The following NTM variants were observed in gnomAD, a reference collection of about 807,000 sequenced individuals.
NTM encodes the protein neurotrimin.
Under a neutral mutation model 42.1 loss-of-function variants are expected in NTM, and 13 were observed. The observed-to-expected ratio is 0.31, with a 90% CI of 0.20 to 0.49. The LOEUF (loss-of-function observed/expected upper bound fraction) is 0.49, where lower values mean the gene tolerates loss of function less well. Among genes scored for constraint, NTM ranks in the 20% least tolerant of loss-of-function variants. The pLI is 0.99. For missense variants in NTM, 373 were observed against 452.8 expected, an observed-to-expected ratio of 0.82 and a Z score of 1.60; for synonymous variants, 187 against 179.2, an observed-to-expected ratio of 1.04 and a Z score of -0.35.
intron 1 of NTM, among the ~76,000 whole-genome samples, chr11:131,882,504 A>G (rs895714324): frequency 1.3e-5 from 2 of 152,252 alleles, no homozygotes; most frequent in East Asian, 1.9e-4. Context: ...ATTTAATCCA[A>G]TATCTGGATG....
chr11:131,859,057 G>A (rs2046368394), intron 1 of NTM, among the ~76,000 whole-genome samples: 1 of 152,118 alleles, frequency 6.6e-6, no homozygotes, highest in Admixed American at 6.6e-5. Context: ...ATTCCTCAAA[G>A]TCTATTTTCC....
chr11:132,165,636 CAG>C lies in NTM; in HGVS notation c.400+19123_400+19124del, dbSNP rs2075149606. 2.0e-5 allele frequency among the ~76,000 whole-genome samples: 3 copies of C among 152,182 alleles called. No homozygotes were observed. In the South Asian group the frequency reaches 6.2e-4, roughly 32 times the overall value. The stretch of plus-strand genomic sequence containing the variant: ...AATTTTAGGTGAGGAAACTGAGGCT[CAG>C]GGGGGGTTTAGTCTTGCTGAAGATC... On this transcript the variant is annotated intron_variant, in intron 3 of 8. Transcript: ENST00000683400.
intron 1 of NTM, among the ~76,000 whole-genome samples, chr11:131,391,445 A>C (rs1214099947): frequency 1.3e-5 from 2 of 152,118 alleles, no homozygotes; most frequent in Non-Finnish European, 2.9e-5. Context: ...ATCTAAAATG[A>C]ATTTTCTACC....
intron 2 of NTM, among the ~76,000 whole-genome samples, chr11:132,144,766 A>G (rs1254785674): frequency 1.3e-5 from 2 of 152,188 alleles, no homozygotes; most frequent in Admixed American, 6.5e-5. Flanking sequence ...GGATGGTGCC[A>G]GAGAGAGCCC....
chr11:131,549,471 C>T (rs2054364836), intron 1 of NTM, among the ~76,000 whole-genome samples: 1 of 152,064 alleles, frequency 6.6e-6, no homozygotes, highest in Admixed American at 6.5e-5. Flanking sequence ...TTGTCAACTG[C>T]CTACAAGATG....
At chr11:131,598,701 T>TTC (rs1555161367) in intron 1 of NTM, among the ~76,000 whole-genome samples, 2,158 of 60,860 alleles carry the variant, frequency 0.035, 189 homozygotes, top group Middle Eastern at 0.074. Flanking sequence ...CTTTCTTTCT[T>TTC]TCTTTCTTTC....
intron 4 of NTM, among the ~76,000 whole-genome samples, chr11:132,276,962 T>C (rs1322135959): frequency 1.3e-5 from 2 of 152,222 alleles, no homozygotes; most frequent in Non-Finnish European, 1.5e-5. Context: ...CACTATGTTG[T>C]TGCTAGTATA....
At chr11:131,512,370 C>T (rs1369939322) in intron 1 of NTM, among the ~76,000 whole-genome samples, 1 of 152,230 alleles carries the variant, frequency 6.6e-6, no homozygotes, top group East Asian at 1.9e-4. Flanking sequence ...CACGTCTGCT[C>T]CCCTTGCTCT....
chr11:131,525,726 C>G (rs1565600606), intron 1 of NTM, among the ~76,000 whole-genome samples: 1 of 152,158 alleles, frequency 6.6e-6, no homozygotes, highest in Non-Finnish European at 1.5e-5. Context: ...GTTCAGATCC[C>G]AGCTTTGCTG....
At chr11:131,786,715 C>T (rs2089295400) in intron 1 of NTM, among the ~76,000 whole-genome samples, 1 of 152,096 alleles carries the variant, frequency 6.6e-6, no homozygotes, top group South Asian at 2.1e-4. Flanking sequence ...TAAAGTCAAG[C>T]TCCAATTGAT....
intron 1 of NTM, among the ~76,000 whole-genome samples, chr11:131,840,424 C>G (rs143733151): frequency 6.0e-4 from 92 of 152,232 alleles, no homozygotes; most frequent in Non-Finnish European, 1.1e-3. Context: ...CTGTGTCACA[C>G]GCTGCCGATG....
chr11:132,056,989 G>A (rs1248154477), intron 2 of NTM, among the ~76,000 whole-genome samples: 1 of 152,178 alleles, frequency 6.6e-6, no homozygotes, highest in Non-Finnish European at 1.5e-5. Context: ...GTGTTAGTAC[G>A]ATTGTTTGAA....
At chr11:131,713,514 AT>A (rs1254410871) in intron 1 of NTM, among the ~76,000 whole-genome samples, 2 of 152,152 alleles carry the variant, frequency 1.3e-5, no homozygotes, top group African/African-American at 4.8e-5. Flanking sequence ...ATTCTTTTCT[AT>A]TTCTTTGGAG....
intron 7 of NTM, among the ~76,000 whole-genome samples, chr11:132,326,151 A>G (rs2095677240): frequency 6.6e-6 from 1 of 152,168 alleles, no homozygotes; most frequent in African/African-American, 2.4e-5. Flanking sequence ...CATGTACCCT[A>G]AAACTTAAAG....
chr11:131,889,927 T>A (rs894519905), intron 1 of NTM, among the ~76,000 whole-genome samples: 3 of 152,132 alleles, frequency 2.0e-5, no homozygotes, highest in South Asian at 2.1e-4. Context: ...AGAAACTTCC[T>A]ACTTAGGCAT....
chr11:132,079,549 G>A (rs947216710), intron 2 of NTM, among the ~76,000 whole-genome samples: 2 of 152,124 alleles, frequency 1.3e-5, no homozygotes, highest in African/African-American at 2.4e-5. Context: ...CATTTTTATT[G>A]GTAACTTGGA....
intron 1 of NTM, among the ~76,000 whole-genome samples, chr11:131,881,508 ACCCC>A (rs869170505): frequency 3.3e-4 from 38 of 116,286 alleles, no homozygotes; most frequent in African/African-American, 4.7e-4. Flanking sequence ...ACACACACAC[ACCCC>A]CCAAAGCTTT....
chr11:131,389,024 A>AAAAAAAAAAG (rs774146196), intron 1 of NTM, among the ~76,000 whole-genome samples: 4 of 89,902 alleles, frequency 4.4e-5, no homozygotes, highest in East Asian at 2.5e-4. Context: ...AAAAAAAAAA[A>AAAAAAAAAAG]AAAAGAAAAG....
chr11:131,513,145 C>T (rs567393674), intron 1 of NTM, among the ~76,000 whole-genome samples: 13 of 152,236 alleles, frequency 8.5e-5, no homozygotes, highest in African/African-American at 1.9e-4. Flanking sequence ...ACTGTGTGAA[C>T]GCGTAAGCTG....
Sources: gnomAD v4.1 joint callset for allele counts (sites outside exome capture counted in the v4.1 genomes callset) on GRCh38, gnomAD v4.1.1 for gene constraint, MANE v1.5 for transcripts, NCBI Gene and HGNC (gene_info 2026-07-23, HGNC 2026-07-21) for gene names.